Variants in TPO observed in about 807,000 individuals in gnomAD.
TPO encodes thyroid peroxidase.
Under a neutral mutation model 96.9 loss-of-function variants are expected in TPO, and 78 were observed. That is an observed-to-expected ratio of 0.81 (90% CI 0.67 to 0.97). The LOEUF (loss-of-function observed/expected upper bound fraction) is 0.97, where lower values mean the gene tolerates loss of function less well. Among genes scored for constraint, TPO ranks in the 50% least tolerant of loss-of-function variants. The pLI is 0.00. For missense variants in TPO, 1,252 were observed against 1,274.8 expected (o/e 0.98, Z 0.27); for synonymous variants, 547 against 538.0 (o/e 1.02, Z -0.23).
intron 16 of TPO, chr2:1,541,677 A>G (rs1341213975): frequency 2.0e-5 from 3 of 152,362 alleles, no homozygotes; most frequent in Non-Finnish European, 2.9e-5. Context: ...TAACTGCCAA[A>G]AAAAGATGTG....
chr2:1,441,621 C>T (rs952215979), intron 5 of TPO, among the ~76,000 whole-genome samples: 10 of 152,094 alleles, frequency 6.6e-5, no homozygotes, highest in Non-Finnish European at 1.3e-4. Flanking sequence ...GACTCTGCTG[C>T]GCTCCCAGCC....
At chr2:1,475,477 A>G (rs186349369) in intron 7 of TPO, among the ~76,000 whole-genome samples, 2,765 of 151,398 alleles carry the variant, frequency 0.018, 89 homozygotes, top group African/African-American at 0.064. Context: ...AGGCAGGAGT[A>G]CAGTGGCCCA....
chr2:1,390,936 T>A (rs1661990231), intron 1 of TPO, among the ~76,000 whole-genome samples: 1 of 152,238 alleles, frequency 6.6e-6, no homozygotes, highest in East Asian at 1.9e-4. Flanking sequence ...ATTAGCTCTT[T>A]GTCAGATGGG....
intron 6 of TPO, among the ~76,000 whole-genome samples, chr2:1,454,767 A>C (rs963952296): frequency 2.0e-5 from 3 of 152,226 alleles, no homozygotes; most frequent in South Asian, 4.1e-4. Context: ...TTAAACTCTC[A>C]GTATTATGAG....
chr2:1,526,509 C>G (rs1676539340), intron 15 of TPO, among the ~76,000 whole-genome samples: 1 of 137,794 alleles, frequency 7.3e-6, no homozygotes, highest in Admixed American at 7.3e-5. Flanking sequence ...TGTGCAACCC[C>G]CGCAAATCCT....
At chr2:1,515,239 G>A (rs952147651) in intron 14 of TPO, among the ~76,000 whole-genome samples, 42 of 152,188 alleles carry the variant, frequency 2.8e-4, no homozygotes, top group African/African-American at 9.9e-4. Context: ...GGGTGAGAGC[G>A]AGTAGCAGCA....
chr2:1,442,609 G>A (rs540723136), intron 5 of TPO, among the ~76,000 whole-genome samples: 1 of 152,306 alleles, frequency 6.6e-6, no homozygotes, highest in African/African-American at 2.4e-5. Flanking sequence ...TCTTGAGAAA[G>A]TGCTCACATT....
chr2:1,391,685 T>G (rs1662002534), intron 1 of TPO, among the ~76,000 whole-genome samples: 1 of 152,228 alleles, frequency 6.6e-6, no homozygotes, highest in Non-Finnish European at 1.5e-5. Context: ...TCCTCTTTTA[T>G]TTCTTTGAGC....
chr2:1,456,863 G>A (rs11690402), intron 7 of TPO, among the ~76,000 whole-genome samples: 21 of 10,274 alleles, frequency 2.0e-3, no homozygotes, highest in South Asian at 0.013. Flanking sequence ...ACACATATAT[G>A]TAGCATGTAT....
At chr2:1,408,681 A>G (rs1662282263), upstream of TPO, among the ~76,000 whole-genome samples, 2 of 152,230 alleles carry the variant, frequency 1.3e-5, no homozygotes, top group South Asian at 4.1e-4. Flanking sequence ...CAAGAAAAGT[A>G]CATTCATTAA....
In TPO at chr2:1,494,120, C is replaced by A. The variant is rs542666591; in HGVS notation, c.2006+81C>A. The stretch of plus-strand genomic sequence containing the variant: ...GCGTTGGTTCTGAAGCCAGCCAGAC[C>A]TGCATTCACATTCCGGCTCCACCAT... On this transcript the variant is annotated intron_variant, in intron 11 of 16. Transcript: ENST00000329066. 59 of 1,364,454 alleles carry A rather than the reference C, an allele frequency of 4.3e-5. No homozygotes were observed. The African/African-American group carries it at 7.7e-4, about 18-fold the overall frequency. 84.5% of individuals were successfully genotyped at this position (1,364,454 alleles called of 1,614,324 possible). A position where few individuals can be genotyped will look rare whatever the true frequency, so the allele number is the denominator to read the frequency against.
intron 15 of TPO, among the ~76,000 whole-genome samples, chr2:1,525,891 A>ATACTGTGTGCAACCTCCTCAAATGCCCG (rs1676343614): frequency 2.3e-5 from 2 of 86,728 alleles, no homozygotes; most frequent in Non-Finnish European, 4.4e-5. Flanking sequence ...TCAAATCCCA[A>ATACTGTGTGCAACCTCCTCAAATGCCCG]TACTGTGTGC....
At chr2:1,431,255 G>A (rs1037009229) in intron 3 of TPO, among the ~76,000 whole-genome samples, 18 of 152,072 alleles carry the variant, frequency 1.2e-4, no homozygotes, top group African/African-American at 3.6e-4. Context: ...TTTACGTTGT[G>A]TGGCACCTGC....
At chr2:1,382,389 G>A (rs1468193947) in intron 1 of TPO, among the ~76,000 whole-genome samples, 1 of 152,168 alleles carries the variant, frequency 6.6e-6, no homozygotes, top group Non-Finnish European at 1.5e-5. Context: ...AGGCCACTAT[G>A]GAAGCAGAGA....
intron 8 of TPO, among the ~76,000 whole-genome samples, chr2:1,484,326 C>T (rs969865865): frequency 1.3e-5 from 2 of 152,198 alleles, no homozygotes; most frequent in East Asian, 1.9e-4. Context: ...ATTGTTGGCT[C>T]GACAGAGGTG....
At chr2:1,390,006 A>C (rs1455911746) in intron 1 of TPO, among the ~76,000 whole-genome samples, 1 of 136,136 alleles carries the variant, frequency 7.3e-6, no homozygotes, top group Non-Finnish European at 1.6e-5. Flanking sequence ...TTAAGTGGTT[A>C]TTTCTTTCTT....
At chr2:1,512,994 G>A (rs921409059) in intron 14 of TPO, among the ~76,000 whole-genome samples, 1 of 152,196 alleles carries the variant, frequency 6.6e-6, no homozygotes, top group Admixed American at 6.5e-5. Flanking sequence ...GGCCACACAC[G>A]TCCCTGATGA....
rs1414515698 is a variant in TPO, at chr2:1,459,315, C to T, written c.819+3033C>T. Among the ~76,000 whole-genome samples, 3 of 152,072 alleles carry T rather than the reference C, an allele frequency of 2.0e-5. No homozygotes were observed. The East Asian group carries it at 5.8e-4, about 29-fold the overall frequency. On this transcript the variant is annotated intron_variant, in intron 7 of 16. Coordinates refer to ENST00000329066, the MANE Select transcript of TPO (RefSeq NM_001206744.2). ...TACAGGCAGGTGCCACCACACCCGGCTAATTTTTGTATTTTTAGTAGAGAC... is the reference window on the plus strand; with the variant it reads ...TACAGGCAGGTGCCACCACACCCGGTTAATTTTTGTATTTTTAGTAGAGAC...
chr2:1,495,395 G>A (rs3755555), intron 11 of TPO, among the ~76,000 whole-genome samples: 55,725 of 152,042 alleles, frequency 0.37, 10,200 homozygotes, highest in East Asian at 0.42. Flanking sequence ...AGGAAAGTGG[G>A]ACTTCATTTC....
Sources: gnomAD v4.1 joint callset for allele counts (sites outside exome capture counted in the v4.1 genomes callset) on GRCh38, gnomAD v4.1.1 for gene constraint, MANE v1.5 for transcripts, NCBI Gene and HGNC (gene_info 2026-07-23, HGNC 2026-07-21) for gene names.